ARHGEF25: variants seen among roughly 807,000 people sequenced by gnomAD.
The protein encoded by ARHGEF25 is RAC/CDC42 exchange factor.
A neutral mutation model predicts 74.0 loss-of-function variants in ARHGEF25; 42 were observed. The ratio of observed to expected loss-of-function variants is 0.57; its 90% CI spans 0.44 to 0.73. The LOEUF is 0.73. ARHGEF25 is among the 30% of genes least tolerant of loss of function. The probability of loss-of-function intolerance (pLI) is 0.00; values close to 1 mark genes in which losing one functional copy is unlikely to be tolerated. For synonymous variants in ARHGEF25, 293 were observed against 278.6 expected (o/e 1.05, Z -0.51); for missense variants, 645 against 725.5 (o/e 0.89, Z 1.27).
Position 57,613,123 on chromosome 12 carries a change from T to G in ARHGEF25, c.291T>G (p.Ser97Arg). The G allele has an allele frequency of 1.2e-6, 2 of 1,613,248 alleles. No homozygotes were observed. Among genetic ancestry groups the G allele is most frequent in the Non-Finnish European group, 1.7e-6 (2 of 1,179,388 alleles). The change falls in exon 2 of 15, where the codon AGT becomes AGG. Residue 97 changes from serine to arginine, a missense_variant. By Grantham distance (110) the Ser-to-Arg change is moderately radical. This residue lies in a region of ARHGEF25 where 189 missense variants were observed against 199.1 expected (regional missense o/e 0.95). Transcript: ENST00000286494. ...TCAGTGTGGAAACTGAGGCAGACAG[T>G]GGTCAGGCAGGACCATATGAGGTGA... ...HCLSVETEAD[S>R]GQAGPYENWM...
chr12:57,612,995 C>G lies in ARHGEF25; in HGVS notation c.163C>G (p.Pro55Ala). Residue 55 changes from proline (P) to alanine (A), a missense_variant, in exon 2 of 15, where the codon CCC (proline) becomes GCC (alanine). Physicochemically the swap from Pro to Ala is conservative, Grantham distance 27. Transcript: ENST00000286494. ...SASAASGLAA[P>A]SGPSSGLSSG... ...TTCTGCTGCCTCCGGTCTGGCTGCC[C>G]CCTCTGGCCCCAGCTCTGGCCTCAG... is the stretch of plus-strand genomic sequence containing the variant. 6.2e-7 allele frequency: 1 copy of G among 1,614,172 alleles called. No homozygotes were observed. Among genetic ancestry groups the G allele is most frequent in the Non-Finnish European group, 8.5e-7 (1 of 1,180,028 alleles).
Position 57,615,729 on chromosome 12 carries a change from G to T in ARHGEF25, c.1239+17G>T. 1 of 1,614,158 alleles carries T rather than the reference G, an allele frequency of 6.2e-7. No individual in the cohort carries two copies. On this transcript the variant is annotated intron_variant, in intron 12 of 14. Coordinates refer to ENST00000286494, the MANE Select transcript of ARHGEF25 (RefSeq NM_182947.4). The stretch of plus-strand genomic sequence containing the variant: ...AGCATTAAGGTGGGGAGAAGGCCAC[G>T]AGGGAGGGCTTGGAGAGAGAGAGGG...
chr12:57,614,606 G>A lies in ARHGEF25; in HGVS notation c.816+1G>A. The A allele has an allele frequency of 6.2e-7, 1 of 1,614,080 alleles. No homozygotes were observed. The highest frequency in any genetic ancestry group is 8.5e-7 in the Non-Finnish European group (1 of 1,180,002). On this transcript the variant is annotated splice_donor_variant, in intron 8 of 14. Transcript: ENST00000286494. LOFTEE classifies it high-confidence loss of function. The surrounding 1 kb of genome is among the most constrained non-coding windows in gnomAD (Gnocchi z 4.6). ...AGAGTTTGGGGACAGCTACTTTGAG[G>A]TCAGTAGCTGAGATGTCTTGGTGGG...
intron 13 of ARHGEF25, 59 bp downstream of exon 13, chr12:57,616,076 C>T: frequency 6.4e-7 from 1 of 1,565,348 alleles, no homozygotes; most frequent in Non-Finnish European, 8.7e-7. Context: ...CTCCTGAATC[C>T]CTCACTGCCC....
rs750884899 is a variant in ARHGEF25 at position 57,615,324 on chromosome 12, T to C, written c.1038+10T>C. On this transcript the variant is annotated intron_variant, in intron 11 of 14. Transcript: ENST00000286494. The stretch of plus-strand genomic sequence containing the variant: ...ATTGCGGGGATTTGAGGTACGGAGA[T>C]AGGGCAAGAAACTGGAGGCCCGATG... 6 of 1,601,268 alleles carry C rather than the reference T, an allele frequency of 3.7e-6. No homozygotes were observed. Among genetic ancestry groups the C allele is most frequent in the Non-Finnish European group, 5.1e-6 (6 of 1,174,200 alleles).
chr12:57,611,289 G>C (rs1032469754), upstream of ARHGEF25: 1 of 252,252 alleles, frequency 4.0e-6, no homozygotes, highest in African/African-American at 2.3e-5. This position sits in a 1 kb window ranked among gnomAD's most constrained non-coding sequence, Gnocchi z 4.5. Flanking sequence ...AAAAGCGCTG[G>C]GGACGTGGAG....
intron 1 of ARHGEF25, 52 bp downstream of exon 1, chr12:57,612,043 T>C (rs1362945326): frequency 8.1e-7 from 1 of 1,240,990 alleles, no homozygotes. Flanking sequence ...GGGCTGGGGG[T>C]TCAGGGCATC....
rs114985646 is a variant in ARHGEF25 at position 57,616,408 on chromosome 12, A to G, written c.1545A>G (p.Thr515=). 5.6e-6 allele frequency: 9 copies of G among 1,613,900 alleles called. No individual in the cohort carries two copies. In the East Asian group the frequency reaches 1.8e-4, roughly 32 times the overall value. Reference sequence around the variant, plus strand: ...TTGGAGATCAGGCCCAGGGCAGCACACACACACCCATCAATGGCTCTCTCC... The same window carrying G: ...TTGGAGATCAGGCCCAGGGCAGCACGCACACACCCATCAATGGCTCTCTCC... ...IQLGDQAQGS[T]HTPINGSLPS... is the part of the protein sequence containing the mutation. Residue 515 remains threonine, a synonymous_variant, in exon 14 of 15, where the codon ACA becomes ACG. Coordinates refer to ENST00000286494, the MANE Select transcript of ARHGEF25 (RefSeq NM_182947.4).
At chr12:57,610,478 A>G, upstream of ARHGEF25, 5 of 1,208,314 alleles carry the variant, frequency 4.1e-6, no homozygotes, top group African/African-American at 1.5e-5. Context: ...GCCTTTTATA[A>G]CAATGTGGGT....
chr12:57,614,208 G>A lies in ARHGEF25; in HGVS notation c.656+89G>A. On this transcript the variant is annotated intron_variant, in intron 6 of 14. Coordinates refer to ENST00000286494, the MANE Select transcript of ARHGEF25 (RefSeq NM_182947.4). This position sits in a 1 kb window ranked among gnomAD's most constrained non-coding sequence, Gnocchi z 4.6. ...CTAACATCAGCCCATTGCGACTTAA[G>A]GAATGTTTGGAGAAGTTTTGTAGGG... The A allele has an allele frequency of 6.3e-7, 1 of 1,583,778 alleles. No individual in the cohort carries two copies. The highest frequency in any genetic ancestry group is 1.1e-5 in the South Asian group (1 of 90,262).
rs1884249759 is a variant in ARHGEF25 at position 57,615,619 on chromosome 12, C to A, written c.1146C>A (p.Phe382Leu). ...CCCGAGGTCGAGAGAGGCGCGTCTT[C>A]CTCTTTGAGCAAATCATCATCTTCA... ...LSSRGRERRVFLFEQIIIFSE... is the reference protein window; with the variant it reads ...LSSRGRERRVLLFEQIIIFSE... Residue 382 changes from phenylalanine (F) to leucine (L), a missense_variant, in exon 12 of 15, where the codon TTC (phenylalanine) becomes TTA (leucine). By Grantham distance (22) the Phe-to-Leu change is conservative (BLOSUM62 0). Coordinates refer to ENST00000286494, the MANE Select transcript of ARHGEF25 (RefSeq NM_182947.4). The A allele has an allele frequency of 6.2e-7, 1 of 1,614,136 alleles. No individual in the cohort carries two copies. Among genetic ancestry groups the A allele is most frequent in the East Asian group, 2.2e-5 (1 of 44,882 alleles).
In ARHGEF25 at chr12:57,614,415, G is replaced by A. The variant is rs200267345; in HGVS notation, c.726+15G>A. 2 of 1,614,154 alleles carry A rather than the reference G, an allele frequency of 1.2e-6. No homozygotes were observed. The highest frequency in any genetic ancestry group is 1.3e-5 in the African/African-American group (1 of 75,026). On this transcript the variant is annotated intron_variant, in intron 7 of 14. Coordinates refer to ENST00000286494, the MANE Select transcript of ARHGEF25 (RefSeq NM_182947.4). This position sits in a 1 kb window ranked among gnomAD's most constrained non-coding sequence, Gnocchi z 4.6. Reference sequence around the variant, plus strand: ...TCATCAAACACGTGAGGCTTGAGGGGGCAGGGCCTGGGGCGGGGCTTAGGA... The same window carrying A: ...TCATCAAACACGTGAGGCTTGAGGGAGCAGGGCCTGGGGCGGGGCTTAGGA...
chr12:57,611,530 C>A lies in ARHGEF25; in HGVS notation c.-365C>A. The A allele has an allele frequency of 1.0e-6, 1 of 988,652 alleles. No homozygotes were observed. Among genetic ancestry groups the A allele is most frequent in the Non-Finnish European group, 1.2e-6 (1 of 832,182 alleles). 61.2% of individuals were successfully genotyped at this position (988,652 alleles called of 1,614,324 possible). On this transcript the variant is annotated 5_prime_UTR_variant, in exon 1 of 15. Coordinates refer to ENST00000286494, the MANE Select transcript of ARHGEF25 (RefSeq NM_182947.4). This position sits in a 1 kb window ranked among gnomAD's most constrained non-coding sequence, Gnocchi z 4.5. Reference sequence around the variant, plus strand: ...GGCCCGGGCCTAGAGCCACCCCTAACCAGAGGCCGGAGACAGCTGGAGCGG... The same window carrying A: ...GGCCCGGGCCTAGAGCCACCCCTAAACAGAGGCCGGAGACAGCTGGAGCGG...
chr12:57,614,819 G>A lies in ARHGEF25; in HGVS notation c.909+38G>A, dbSNP rs1317083045. ...TTTTTCCTGGGGGCACAGCTGGCTG[G>A]CACAGCTGTTTCCTCATTCATCTCC... On this transcript the variant is annotated intron_variant, in intron 9 of 14. Transcript: ENST00000286494. The surrounding 1 kb of genome is among the most constrained non-coding windows in gnomAD (Gnocchi z 4.6). The A allele has an allele frequency of 6.3e-7, 1 of 1,580,596 alleles. No homozygotes were observed. The highest frequency in any genetic ancestry group is 8.6e-7 in the Non-Finnish European group (1 of 1,160,302).
chr12:57,610,512 G>C, upstream of ARHGEF25: 3 of 1,425,088 alleles, frequency 2.1e-6, no homozygotes, highest in Non-Finnish European at 2.9e-6. Context: ...AGAAGGGGAA[G>C]GGGGAGGTCA....
rs1257939587 is a variant in ARHGEF25 at position 57,611,779 on chromosome 12, C to T, written c.-116C>T. Reference sequence around the variant, plus strand: ...TCCCCTCCCTCCCCCCCTCCCACAGCCTGGACCGGGGTAGGAGGGAGGGGG... The same window carrying T: ...TCCCCTCCCTCCCCCCCTCCCACAGTCTGGACCGGGGTAGGAGGGAGGGGG... On this transcript the variant is annotated 5_prime_UTR_variant, in exon 1 of 15. Transcript: ENST00000286494. The surrounding 1 kb of genome is among the most constrained non-coding windows in gnomAD (Gnocchi z 4.5). The T allele has an allele frequency of 8.8e-7, 1 of 1,137,174 alleles. No homozygotes were observed. The highest frequency in any genetic ancestry group is 3.4e-5 in the East Asian group (1 of 29,738). 70.4% of individuals were successfully genotyped at this position (1,137,174 alleles called of 1,614,324 possible). A position where few individuals can be genotyped will look rare whatever the true frequency, so the allele number is the denominator to read the frequency against.
rs1172962610 is a variant in ARHGEF25 at position 57,613,237 on chromosome 12, C to T, written c.313-27C>T. 5 of 1,613,274 alleles carry T rather than the reference C, an allele frequency of 3.1e-6. No individual in the cohort carries two copies. The South Asian group carries it at 5.5e-5, about 18-fold the overall frequency. On this transcript the variant is annotated intron_variant, in intron 2 of 14. Transcript: ENST00000286494. ...GGGCCACCCAGCTACTGTCCCCGAC[C>T]TCTGACACTTGATTTCTGGCCCCCA...
intron 5 of ARHGEF25, 104 bp from the exon 6 acceptor site, chr12:57,613,912 A>T: frequency 6.8e-7 from 1 of 1,461,456 alleles, no homozygotes; most frequent in South Asian, 1.2e-5. Flanking sequence ...GGCTCCCACC[A>T]GGGAGGGGGA....
upstream of ARHGEF25, chr12:57,610,295 G>T: frequency 6.4e-7 from 1 of 1,558,840 alleles, no homozygotes; most frequent in South Asian, 1.2e-5. Context: ...GCGCGCATGC[G>T]CCCTCCCTGG....
Sources: allele counts gnomAD v4.1 joint callset, GRCh38; gene constraint gnomAD v4.1.1; regional missense constraint gnomAD v4.1.1; non-coding constraint Gnocchi (gnomAD v3.1); transcripts MANE v1.5; gene names NCBI Gene and HGNC (gene_info 2026-07-23, HGNC 2026-07-21).